MTUS1: variants seen among roughly 807,000 people sequenced by gnomAD.
MTUS1 encodes the protein microtubule-associated tumor suppressor 1.
In MTUS1, 109 loss-of-function variants were observed where a neutral mutation model predicts 120.8. That is an observed-to-expected ratio of 0.90 (90% confidence interval 0.77 to 1.06). The LOEUF is 1.06. MTUS1 is among the 50% of genes least tolerant of loss of function. MTUS1 has a pLI of 0.00. For synonymous variants in MTUS1, 737 were observed against 550.5 expected (o/e 1.34, Z -4.74); for missense variants, 2,210 against 1,486.3 (o/e 1.49, Z -8.01).
At chr8:17,793,692 A>G (rs78200353) in intron 1 of MTUS1, among the ~76,000 whole-genome samples, 6,882 of 152,276 alleles carry the variant, frequency 0.045, 530 homozygotes, top group African/African-American at 0.16. Flanking sequence ...GCCAAAGAGT[A>G]CAGTGCTAAG....
chr8:17,727,553 C>G (rs753841215), intron 3 of MTUS1, among the ~76,000 whole-genome samples: 1 of 152,150 alleles, frequency 6.6e-6, no homozygotes, highest in Admixed American at 6.5e-5. Context: ...TTTAGCTTAA[C>G]GGTAAAGTTG....
At chr8:17,687,231 T>C (rs1348550161) in intron 6 of MTUS1, among the ~76,000 whole-genome samples, 1 of 152,280 alleles carries the variant, frequency 6.6e-6, no homozygotes, top group South Asian at 2.1e-4. Context: ...CCGCTCCATA[T>C]ACTGTGCTCC....
intron 1 of MTUS1, among the ~76,000 whole-genome samples, chr8:17,766,127 G>A (rs2049467744): frequency 6.6e-6 from 1 of 152,182 alleles, no homozygotes; most frequent in East Asian, 1.9e-4. Flanking sequence ...CCGATTTAGT[G>A]AATTTTTGTC....
Position 17,753,744 on chromosome 8 carries a change from C to A in MTUS1, c.2064G>T (p.Glu688Asp). 6.2e-7 allele frequency: 1 copy of A among 1,606,868 alleles called. No individual in the cohort carries two copies. The highest frequency in any genetic ancestry group is 1.3e-5 in the African/African-American group (1 of 74,392). ...AAAACAGAGAACCATATTCAAAAGT[C>A]TCATTCATAATCTCTTGTTTCAGCT... Reference protein sequence around the residue: ...KQELKQEIMNETFEYGSLFLG... With the variant: ...KQELKQEIMNDTFEYGSLFLG... Residue 688 changes from glutamate (E) to aspartate (D), a missense_variant, in exon 2 of 15, where the codon GAG becomes GAT. Transcript: ENST00000693296.
At chr8:17,800,425 T>C (rs2052590009) in intron 1 of MTUS1, among the ~76,000 whole-genome samples, 1 of 152,208 alleles carries the variant, frequency 6.6e-6, no homozygotes, top group Admixed American at 6.5e-5. Flanking sequence ...ACAGAGTATG[T>C]GTAACTACGC....
chr8:17,687,524 T>C (rs1004974743), intron 6 of MTUS1, among the ~76,000 whole-genome samples: 3 of 152,240 alleles, frequency 2.0e-5, no homozygotes, highest in Non-Finnish European at 2.9e-5. Context: ...AAAGGTTTTA[T>C]ACAGAAGTAT....
Position 17,723,652 on chromosome 8 carries a change from G to C in MTUS1, c.2449+20C>G, listed in dbSNP as rs200323977. On this transcript the variant is annotated intron_variant, in intron 4 of 14. Transcript: ENST00000693296. ...TGACTGTTTCCACAACCCCCGAAGT[G>C]TGATATAAAGTCGACTTACAATTGT... 6.2e-7 allele frequency: 1 copy of C among 1,600,256 alleles called. No homozygotes were observed. Among genetic ancestry groups the C allele is most frequent in the Non-Finnish European group, 8.6e-7 (1 of 1,168,016 alleles).
intron 3 of MTUS1, among the ~76,000 whole-genome samples, chr8:17,728,999 A>T (rs1363729968): frequency 6.6e-6 from 1 of 152,248 alleles, no homozygotes; most frequent in African/African-American, 2.4e-5. Flanking sequence ...CACAAGTGGC[A>T]AGGCCACTAA....
rs766552966 is a variant in MTUS1 at position 17,754,477 on chromosome 8, G to C, written c.1331C>G (p.Pro444Arg). 1.9e-6 allele frequency: 3 copies of C among 1,614,118 alleles called. No homozygotes were observed. In the East Asian group the frequency reaches 6.7e-5, roughly 36 times the overall value. ...EPTKVTFSVS[P>R]IEATEKCKKV... ...CTTACATTTCTCCGTCGCTTCAATC[G>C]GTGAAACAGAAAAGGTTACTTTTGT... Residue 444 changes from proline (P) to arginine (R), a missense_variant, in exon 2 of 15, where the codon CCG becomes CGG. By Grantham distance (103) the Pro-to-Arg change is moderately radical. Transcript: ENST00000693296.
intron 1 of MTUS1, among the ~76,000 whole-genome samples, chr8:17,781,254 T>C (rs2050854430): frequency 1.3e-5 from 2 of 152,218 alleles, no homozygotes; most frequent in Admixed American, 1.3e-4. Flanking sequence ...TGAAAAGATT[T>C]TGTCTGAATT....
At chr8:17,708,816 C>T (rs1820669752) in intron 6 of MTUS1, 4 of 152,262 alleles carry the variant, frequency 2.6e-5, no homozygotes, top group Admixed American at 2.0e-4. Context: ...GGCTGTCTTC[C>T]TAGCTTTAAG....
chr8:17,767,188 T>TAA (rs34726378), intron 1 of MTUS1, among the ~76,000 whole-genome samples: 44 of 105,296 alleles, frequency 4.2e-4, no homozygotes, highest in East Asian at 3.2e-3. Flanking sequence ...ATCCTCAGGG[T>TAA]AAAAAAAAAA....
chr8:17,722,245 G>T lies in MTUS1; in HGVS notation c.2449+1427C>A, dbSNP rs893297803. 4.0e-6 allele frequency: 4 copies of T among 994,886 alleles called. No homozygotes were observed. The East Asian group carries it at 3.2e-4, about 79-fold the overall frequency. The allele number at this position is 994,886 out of a possible 1,614,324, so 61.6% of individuals were successfully genotyped here. On this transcript the variant is annotated intron_variant, in intron 4 of 14. Coordinates refer to ENST00000693296, the MANE Select transcript of MTUS1 (RefSeq NM_001363059.2). Reference sequence around the variant, plus strand: ...CTGAAACGGTGGCCAAGTCAACATGGATGTCGATGGAAAACACGGGGCTGT... The same window carrying T: ...CTGAAACGGTGGCCAAGTCAACATGTATGTCGATGGAAAACACGGGGCTGT...
intron 6 of MTUS1, among the ~76,000 whole-genome samples, chr8:17,712,477 C>G (rs1044065016): frequency 4.6e-5 from 7 of 152,202 alleles, no homozygotes; most frequent in South Asian, 2.1e-4. Flanking sequence ...GCTGGGACTC[C>G]AGGAGCGTAC....
At chr8:17,694,961 T>C (rs1390994625) in intron 6 of MTUS1, among the ~76,000 whole-genome samples, 1 of 152,102 alleles carries the variant, frequency 6.6e-6, no homozygotes, top group Non-Finnish European at 1.5e-5. Context: ...GCTATTCACT[T>C]GGTCACCAGC....
At chr8:17,793,773 T>C (rs559674853) in intron 1 of MTUS1, among the ~76,000 whole-genome samples, 1 of 152,306 alleles carries the variant, frequency 6.6e-6, no homozygotes, top group Non-Finnish European at 1.5e-5. Flanking sequence ...ATGCTTTATA[T>C]AACCAAGAAT....
intron 3 of MTUS1, among the ~76,000 whole-genome samples, chr8:17,726,962 T>G (rs1394932489): frequency 6.6e-6 from 1 of 152,178 alleles, no homozygotes; most frequent in Non-Finnish European, 1.5e-5. Flanking sequence ...CAACTTAGGT[T>G]TGCAGACATT....
At chr8:17,722,981 TCTC>T (rs1189234267) in intron 4 of MTUS1, among the ~76,000 whole-genome samples, 2 of 152,196 alleles carry the variant, frequency 1.3e-5, no homozygotes, top group Non-Finnish European at 2.9e-5. Context: ...ACCTTCTTTT[TCTC>T]CTCAACTATT....
intron 6 of MTUS1, among the ~76,000 whole-genome samples, chr8:17,697,004 G>C (rs1563220429): frequency 6.6e-6 from 1 of 152,216 alleles, no homozygotes; most frequent in Non-Finnish European, 1.5e-5. Flanking sequence ...ATGGAGAAAA[G>C]AGCTAGGGAA....
Sources: gnomAD v4.1 joint callset for allele counts (sites outside exome capture counted in the v4.1 genomes callset) on GRCh38, gnomAD v4.1.1 for gene constraint, MANE v1.5 for transcripts, NCBI Gene and HGNC (gene_info 2026-07-23, HGNC 2026-07-21) for gene names.